LTF: variants seen among roughly 807,000 people sequenced by gnomAD.
LTF encodes the protein lactotransferrin, also known as epididymis luminal protein 110.
In LTF, 91 loss-of-function variants were observed where a neutral mutation model predicts 87.2. That is an observed-to-expected ratio of 1.04 (90% confidence interval 0.88 to 1.24). The LOEUF is 1.24. LTF is among the 50% of genes most tolerant of loss of function. The pLI is 0.00. For synonymous variants in LTF, 378 were observed against 356.1 expected (o/e 1.06, Z -0.69); for missense variants, 901 against 904.3 (o/e 1.00, Z 0.05).
At chr3:46,438,479 A>C (rs1702440634) in intron 15 of LTF, among the ~76,000 whole-genome samples, 1 of 152,248 alleles carries the variant, frequency 6.6e-6, no homozygotes, top group Admixed American at 6.5e-5. Flanking sequence ...TCAATTGCTC[A>C]GGACATTCTA....
intron 2 of LTF, 69 bp from the exon 3 acceptor site, chr3:46,456,467 A>G: frequency 7.6e-7 from 1 of 1,314,232 alleles, no homozygotes; most frequent in Non-Finnish European, 1.1e-6. Context: ...GGACTTCAGG[A>G]CCTCAAAAAG....
intron 1 of LTF, among the ~76,000 whole-genome samples, 190 bp from the exon 2 acceptor site, chr3:46,460,009 G>C (rs1358443754): frequency 6.6e-6 from 1 of 152,150 alleles, no homozygotes; most frequent in African/African-American, 2.4e-5. Flanking sequence ...TCTCTGCATT[G>C]GCTAGAGGTC....
chr3:46,453,515 T>C (rs1183322364), intron 6 of LTF, among the ~76,000 whole-genome samples: 3 of 151,930 alleles, frequency 2.0e-5, no homozygotes, highest in Non-Finnish European at 4.4e-5. Flanking sequence ...GTTGTCTCTT[T>C]CTCTGGTGGT....
At chr3:46,478,065 C>G (rs1032999146) in intron 1 of LTF, among the ~76,000 whole-genome samples, 4 of 152,172 alleles carry the variant, frequency 2.6e-5, no homozygotes, top group African/African-American at 4.8e-5. Flanking sequence ...CTCTCCACAC[C>G]CACACTCCTT....
chr3:46,449,863 A>G lies in LTF; in HGVS notation c.1048T>C (p.Leu350=). The G allele has an allele frequency of 3.1e-6, 5 of 1,614,054 alleles. No individual in the cohort carries two copies. The highest frequency in any genetic ancestry group is 2.2e-5 in the South Asian group (2 of 91,074). Residue 350 remains leucine (L), a synonymous_variant, in exon 8 of 17, where the codon TTG becomes CTG. Coordinates refer to ENST00000231751, the MANE Select transcript of LTF (RefSeq NM_002343.6). The part of the protein sequence containing the change: ...GSGYFTAIQN[L]RKSEEEVAAR... ...TCCTGGGCTCACTCACTTTTCCTCA[A>G]GTTCTGGATGGCAGTGAAGTAGCCG... is the stretch of plus-strand genomic sequence containing the variant.
At chr3:46,470,738 G>A (rs1057016138) in intron 1 of LTF, among the ~76,000 whole-genome samples, 1 of 152,188 alleles carries the variant, frequency 6.6e-6, no homozygotes, top group East Asian at 1.9e-4. Context: ...GCTCAGAGAT[G>A]GGATTGGCTG....
Position 46,459,823 on chromosome 3 carries a change from GGA to G in LTF, c.44-6_44-5del. ...CTACGGCCAGCCAGACACAGTCCTG[GGA>G]GAGAGGGGCCAAGGAGTAAGGATTC... is the stretch of plus-strand genomic sequence containing the variant. On this transcript the variant is annotated splice_polypyrimidine_tract_variant and splice_region_variant and intron_variant, in intron 1 of 16. Transcript: ENST00000231751. 1.3e-6 allele frequency: 2 copies of G among 1,531,650 alleles called. No individual in the cohort carries two copies. Among genetic ancestry groups the G allele is most frequent in the Non-Finnish European group, 1.7e-6 (2 of 1,145,378 alleles). 94.9% of individuals were successfully genotyped at this position (1,531,650 alleles called of 1,614,324 possible).
chr3:46,445,250 G>A (rs761083952), intron 12 of LTF, 31 bp downstream of exon 12: 1 of 1,581,572 alleles, frequency 6.3e-7, no homozygotes, highest in Middle Eastern at 1.8e-4. Flanking sequence ...CTCCAGGGTG[G>A]CCCACCCACC....
At chr3:46,445,808 G>A (rs1702639128) in intron 11 of LTF, among the ~76,000 whole-genome samples, 1 of 152,242 alleles carries the variant, frequency 6.6e-6, no homozygotes. Context: ...ACCAACCACA[G>A]TGTGCATCAG....
intron 5 of LTF, 86 bp from the exon 6 acceptor site, chr3:46,454,446 C>A: frequency 8.8e-7 from 1 of 1,132,374 alleles, no homozygotes; most frequent in Non-Finnish European, 1.4e-6. Context: ...CACTCAGCAT[C>A]TATGGGTTTC....
At chr3:46,471,124 G>A (rs1232262880) in intron 1 of LTF, among the ~76,000 whole-genome samples, 1 of 152,116 alleles carries the variant, frequency 6.6e-6, no homozygotes, top group Non-Finnish European at 1.5e-5. Context: ...TTTTGAGAGT[G>A]GAGGAGAGAG....
intron 1 of LTF, among the ~76,000 whole-genome samples, chr3:46,479,038 G>C (rs72900281): frequency 0.12 from 18,362 of 152,170 alleles, 1,540 homozygotes; most frequent in East Asian, 0.23. Flanking sequence ...AACTGAGTTA[G>C]ACTCAGTTCT....
At chr3:46,456,930 C>T (rs774167400) in intron 2 of LTF, among the ~76,000 whole-genome samples, 1 of 152,196 alleles carries the variant, frequency 6.6e-6, no homozygotes, top group Non-Finnish European at 1.5e-5. Context: ...TTTCCACAGA[C>T]AGATGGGGAA....
intron 1 of LTF, among the ~76,000 whole-genome samples, chr3:46,472,273 G>C (rs1703300715): frequency 6.6e-6 from 1 of 151,870 alleles, no homozygotes; most frequent in African/African-American, 2.4e-5. Context: ...CCATGTGGCA[G>C]GCAAGCTACA....
In LTF at chr3:46,447,366, T is replaced by C; in HGVS notation, c.1245A>G (p.Gly415=). The C allele has an allele frequency of 2.5e-6, 4 of 1,614,080 alleles. No homozygotes were observed. Among genetic ancestry groups the C allele is most frequent in the Non-Finnish European group, 2.5e-6 (3 of 1,179,984 alleles). Residue 415 remains glycine, a synonymous_variant, in exon 10 of 17, where the codon GGA becomes GGG. Coordinates refer to ENST00000231751, the MANE Select transcript of LTF (RefSeq NM_002343.6). ...ATTTGCCTGCAGTGTACACATATCC[T>C]CCATCCAAACTCATGGCATCAGCTT... The part of the protein sequence containing the change: ...KGEADAMSLD[G]GYVYTAGKCG...
chr3:46,479,167 G>A (rs1378394024), intron 1 of LTF, among the ~76,000 whole-genome samples: 4 of 152,246 alleles, frequency 2.6e-5, no homozygotes, highest in East Asian at 1.9e-4. Context: ...GGCTCTGTGC[G>A]TGGTAGGGAA....
intron 1 of LTF, among the ~76,000 whole-genome samples, chr3:46,477,206 G>A (rs1703370403): frequency 1.3e-5 from 2 of 152,222 alleles, no homozygotes; most frequent in Non-Finnish European, 2.9e-5. Context: ...GTTTGGGAAT[G>A]TCTTTTGTCC....
At chr3:46,437,088 G>A (rs1702402825) in intron 16 of LTF, among the ~76,000 whole-genome samples, 1 of 152,164 alleles carries the variant, frequency 6.6e-6, no homozygotes, top group Non-Finnish European at 1.5e-5. Context: ...TCTGGGTGAG[G>A]GACCAGGAAT....
At chr3:46,455,210 C>T in intron 5 of LTF, 85 bp downstream of exon 5, 4 of 1,544,918 alleles carry the variant, frequency 2.6e-6, no homozygotes, top group Non-Finnish European at 3.6e-6. Context: ...GCAGGCTGGG[C>T]TCTATGTGGG....
Sources: allele counts gnomAD v4.1 joint callset (sites outside exome capture counted in the v4.1 genomes callset), GRCh38; gene constraint gnomAD v4.1.1; transcripts MANE v1.5; gene names NCBI Gene and HGNC (gene_info 2026-07-23, HGNC 2026-07-21).